TAF3: variants seen among roughly 807,000 people sequenced by gnomAD.
TAF3 encodes transcription initiation factor TFIID subunit 3.
Under a neutral mutation model 80.6 loss-of-function variants are expected in TAF3, and 7 were observed. The observed-to-expected ratio is 0.09, with a 90% CI of 0.05 to 0.16. TAF3 has a LOEUF of 0.16. Ranked by LOEUF, TAF3 falls within the 10% of genes least tolerant of loss-of-function variation. The pLI is 1.00. For synonymous variants in TAF3, 444 were observed against 446.1 expected (o/e 1.00, Z 0.06); for missense variants, 921 against 1,140.2 (o/e 0.81, Z 2.77).
chr10:7,869,746 C>G (rs1837247668), intron 2 of TAF3, among the ~76,000 whole-genome samples: 2 of 152,208 alleles, frequency 1.3e-5, no homozygotes, highest in Admixed American at 6.5e-5. Context: ...CACGGACTGC[C>G]TCCTTCCCTG....
In TAF3 at chr10:7,842,151, G is replaced by GT. The variant is rs71505465; in HGVS notation, c.409+17603dup. Among the ~76,000 whole-genome samples the GT allele has an allele frequency of 1.5e-3, 145 of 98,762 alleles. 2 individuals carry two copies. The highest frequency in any genetic ancestry group is 2.0e-3 in the Non-Finnish European group (95 of 46,610). 64.8% of individuals were successfully genotyped at this position (98,762 alleles called of 152,430 possible). A position where few individuals can be genotyped will look rare whatever the true frequency, so the allele number is the denominator to read the frequency against. ...CATTGTAGGATATTGAATTAATATT[G>GT]TTTTTTTTTTTTGTTTTTTTTTTTG... On this transcript the variant is annotated intron_variant, in intron 2 of 6. Transcript: ENST00000344293.
chr10:7,887,784 T>G (rs1244458), intron 2 of TAF3, among the ~76,000 whole-genome samples: 135,942 of 151,814 alleles, frequency 0.9, 60,995 homozygotes, highest in East Asian at 0.99. Context: ...TACCTTTTGG[T>G]TTATTAAAAT....
chr10:7,909,196 T>A (rs1564361365), intron 2 of TAF3, among the ~76,000 whole-genome samples: 1 of 152,218 alleles, frequency 6.6e-6, no homozygotes, highest in African/African-American at 2.4e-5. Context: ...AAATGCAGGT[T>A]CATAACCCAT....
chr10:7,951,817 T>C (rs1647261120), intron 2 of TAF3, among the ~76,000 whole-genome samples: 1 of 152,156 alleles, frequency 6.6e-6, no homozygotes, highest in African/African-American at 2.4e-5. Flanking sequence ...AAGAGGAAAC[T>C]GAAGTTCAGA....
chr10:7,838,865 G>A (rs72782707), intron 2 of TAF3, among the ~76,000 whole-genome samples: 25,704 of 146,818 alleles, frequency 0.18, 2,655 homozygotes, highest in East Asian at 0.53. Context: ...TCTGGGGAAC[G>A]TTCCTTCTGT....
Position 7,945,609 on chromosome 10 carries a change from A to G in TAF3, c.410-18311A>G, listed in dbSNP as rs147689759. On this transcript the variant is annotated intron_variant, in intron 2 of 6. Coordinates refer to ENST00000344293, the MANE Select transcript of TAF3 (RefSeq NM_031923.4). ...CAGCCCCCTACCTCCTCCCACCCCTACAGTAACTACCCACCCGGCTACATC... is the reference window on the plus strand; with the variant it reads ...CAGCCCCCTACCTCCTCCCACCCCTGCAGTAACTACCCACCCGGCTACATC... 4.2e-3 allele frequency among the ~76,000 whole-genome samples: 640 copies of G among 151,512 alleles called. 3 individuals carry two copies. The highest frequency in any genetic ancestry group is 0.014 in the African/African-American group (579 of 41,228).
In TAF3 at chr10:7,965,032, G is replaced by C. The variant is rs1432252938; in HGVS notation, c.1522G>C (p.Val508Leu). The change falls in exon 3 of 7, where the codon GTG (valine) becomes CTG (leucine). Residue 508 changes from valine (V) to leucine (L), a missense_variant. Around this residue, in one of 6 missense-constraint regions of TAF3, gnomAD observed 743 missense variants for 821.0 expected, o/e 0.90. Coordinates refer to ENST00000344293, the MANE Select transcript of TAF3 (RefSeq NM_031923.4). Reference protein sequence around the residue: ...SPPTPEPLHKVYEEKTKLPSS... With the variant: ...SPPTPEPLHKLYEEKTKLPSS... ...TCCCACTCCCGAACCTCTCCACAAG[G>C]TGTATGAGGAGAAAACCAAGCTGCC... 2 of 1,613,890 alleles carry C rather than the reference G, an allele frequency of 1.2e-6. No individual in the cohort carries two copies. Among genetic ancestry groups the C allele is most frequent in the Non-Finnish European group, 1.7e-6 (2 of 1,180,030 alleles).
chr10:7,880,826 A>G (rs1837354585), intron 2 of TAF3, among the ~76,000 whole-genome samples: 2 of 152,226 alleles, frequency 1.3e-5, no homozygotes, highest in South Asian at 4.1e-4. Flanking sequence ...CGTGCAACAG[A>G]TGTATATTTA....
At chr10:7,970,110 G>T (rs558617015) in intron 3 of TAF3, among the ~76,000 whole-genome samples, 5 of 152,228 alleles carry the variant, frequency 3.3e-5, no homozygotes, top group Admixed American at 1.3e-4. Context: ...AACAGTTCCT[G>T]AATTTTCATA....
intron 2 of TAF3, among the ~76,000 whole-genome samples, chr10:7,834,369 A>G (rs1291352415): frequency 6.6e-6 from 1 of 151,228 alleles, no homozygotes; most frequent in Non-Finnish European, 1.5e-5. Context: ...TTTTGAGTTG[A>G]TTTTTCTAAG....
rs763104885 is a variant in TAF3, at chr10:8,013,820, C to T, written c.2658C>T (p.Cys886=). 84 of 1,614,022 alleles carry T rather than the reference C, an allele frequency of 5.2e-5. No homozygotes were observed. Among genetic ancestry groups the T allele is most frequent in the Admixed American group, 4.2e-4 (25 of 60,010 alleles). The change falls in exon 6 of 7, where the codon TGC becomes TGT. Residue 886 remains cysteine (C), a synonymous_variant. Transcript: ENST00000344293. Reference sequence around the variant, plus strand: ...GTCCCATGATTGGGTGTGACGACTGCGATGACTGGTACCACTGGTGAGTGC... The same window carrying T: ...GTCCCATGATTGGGTGTGACGACTGTGATGACTGGTACCACTGGTGAGTGC... ...DGSPMIGCDD[C]DDWYHWPCVG... is the part of the protein sequence containing the mutation.
chr10:7,833,831 G>T, intron 2 of TAF3: 1 of 643,290 alleles, frequency 1.6e-6, no homozygotes, highest in Non-Finnish European at 2.3e-6. Flanking sequence ...CAGCAGAACT[G>T]TCTCCCTTCC....
At chr10:7,859,581 A>T (rs1022720040) in intron 2 of TAF3, among the ~76,000 whole-genome samples, 1 of 152,166 alleles carries the variant, frequency 6.6e-6, no homozygotes, top group Non-Finnish European at 1.5e-5. Context: ...TTTGCTGTTG[A>T]TAAAGAACCT....
intron 2 of TAF3, among the ~76,000 whole-genome samples, chr10:7,890,773 A>G (rs182819872): frequency 6.6e-6 from 1 of 152,354 alleles, no homozygotes; most frequent in African/African-American, 2.4e-5. Flanking sequence ...TTTTTAAGAT[A>G]CTTCCTCACA....
At chr10:7,869,906 T>C (rs1483641245) in intron 2 of TAF3, among the ~76,000 whole-genome samples, 1 of 152,238 alleles carries the variant, frequency 6.6e-6, no homozygotes, top group Non-Finnish European at 1.5e-5. Flanking sequence ...CTTTAAAAAT[T>C]CTTTGCCTCT....
chr10:7,901,615 T>A (rs1837559471), intron 2 of TAF3, among the ~76,000 whole-genome samples: 1 of 152,230 alleles, frequency 6.6e-6, no homozygotes, highest in Non-Finnish European at 1.5e-5. Flanking sequence ...TGGCTTGTTA[T>A]ATTTTAGACT....
chr10:7,990,836 ACCT>A (rs947464915), intron 4 of TAF3, among the ~76,000 whole-genome samples: 1 of 151,850 alleles, frequency 6.6e-6, no homozygotes, highest in Admixed American at 6.6e-5. Context: ...TATCCCATAG[ACCT>A]CCTCACAGAA....
intron 2 of TAF3, among the ~76,000 whole-genome samples, chr10:7,845,962 T>TG (rs988476461): frequency 2.9e-5 from 3 of 102,984 alleles, no homozygotes; most frequent in Non-Finnish European, 6.5e-5. Context: ...TGTTTTTGTT[T>TG]TTTTTTTTTT....
chr10:7,875,263 G>A (rs954670838), intron 2 of TAF3, among the ~76,000 whole-genome samples: 3 of 152,020 alleles, frequency 2.0e-5, no homozygotes, highest in African/African-American at 7.2e-5. Flanking sequence ...GGTAATATAA[G>A]CATGTGACAT....
Sources: allele counts gnomAD v4.1 joint callset (sites outside exome capture counted in the v4.1 genomes callset), GRCh38; gene constraint gnomAD v4.1.1; regional missense constraint gnomAD v4.1.1; transcripts MANE v1.5; gene names NCBI Gene and HGNC (gene_info 2026-07-23, HGNC 2026-07-21).